Variants in MTA1 observed in about 807,000 individuals in gnomAD.
MTA1 encodes the protein metastasis-associated protein MTA1.
A neutral mutation model predicts 97.0 loss-of-function variants in MTA1; 15 were observed. The observed-to-expected ratio is 0.15, with a 90% confidence interval of 0.10 to 0.24. The LOEUF (loss-of-function observed/expected upper bound fraction) is 0.24, where lower values mean the gene tolerates loss of function less well. MTA1 is among the 10% of genes least tolerant of loss of function. The pLI is 1.00. For synonymous variants in MTA1, 435 were observed against 417.5 expected, an observed-to-expected ratio of 1.04 and a Z score of -0.51; for missense variants, 709 against 1,015.1, an observed-to-expected ratio of 0.70 and a Z score of 4.10.
chr14:105,469,317 C>G, intron 18 of MTA1, 150 bp from the exon 19 acceptor site: 1 of 833,068 alleles, frequency 1.2e-6, no homozygotes, highest in Non-Finnish European at 2.0e-6. Flanking sequence ...CGAGGCCCCA[C>G]GTCCCCCAGG....
rs757183015 is a variant in MTA1, at chr14:105,449,031, C to T, written c.191-328C>T. Reference sequence around the variant, plus strand: ...AATCCCCATGCTGCTGGCCGGTGCCCGGCCCCGGTCTCATCTGGACAGCCT... The same window carrying T: ...AATCCCCATGCTGCTGGCCGGTGCCTGGCCCCGGTCTCATCTGGACAGCCT... On this transcript the variant is annotated intron_variant, in intron 3 of 20. Coordinates refer to ENST00000331320, the MANE Select transcript of MTA1 (RefSeq NM_004689.4). 1.3e-5 allele frequency: 4 copies of T among 300,178 alleles called. No individual in the cohort carries two copies. The South Asian group carries it at 2.6e-4, about 19-fold the overall frequency. The allele number at this position is 300,178 out of a possible 1,614,324, so 18.6% of individuals were successfully genotyped here.
At chr14:105,441,796 A>T (rs1555425822) in intron 2 of MTA1, among the ~76,000 whole-genome samples, 1 of 152,200 alleles carries the variant, frequency 6.6e-6, no homozygotes, top group Non-Finnish European at 1.5e-5. Flanking sequence ...TCTGTCTCAA[A>T]AAAATAAAAA....
chr14:105,448,527 T>C (rs2082797266), intron 3 of MTA1, among the ~76,000 whole-genome samples: 1 of 152,174 alleles, frequency 6.6e-6, no homozygotes, highest in Non-Finnish European at 1.5e-5. Flanking sequence ...GCCCTGGTGA[T>C]GTCTGAGTTC....
In MTA1 at chr14:105,470,006, A is replaced by T; in HGVS notation, c.1997+14A>T. On this transcript the variant is annotated intron_variant, in intron 20 of 20. Transcript: ENST00000331320. ...AGAGGAGACCAGGTGGGGCCTTCCC[A>T]GGGCAGGCGGGAGGGCTCCGCACAG... The T allele has an allele frequency of 1.2e-6, 2 of 1,612,476 alleles. No individual in the cohort carries two copies. The highest frequency in any genetic ancestry group is 1.7e-6 in the Non-Finnish European group (2 of 1,179,824).
chr14:105,428,710 A>G (rs958608496), intron 1 of MTA1, among the ~76,000 whole-genome samples: 3 of 116,040 alleles, frequency 2.6e-5, no homozygotes, highest in East Asian at 5.1e-4. Flanking sequence ...ACCAAAAAGA[A>G]GTGTTTCTTT....
intron 6 of MTA1, among the ~76,000 whole-genome samples, chr14:105,451,345 C>CA (rs2082921318): frequency 6.6e-6 from 1 of 152,236 alleles, no homozygotes; most frequent in Non-Finnish European, 1.5e-5. Flanking sequence ...TGCCTTAGCT[C>CA]AGAGTCATGA....
intron 7 of MTA1, chr14:105,454,623 T>A (rs1355843296): frequency 4.1e-6 from 1 of 246,232 alleles, no homozygotes; most frequent in Non-Finnish European, 8.2e-6. Context: ...TTTCTTTTTT[T>A]TCAGACGGAG....
intron 3 of MTA1, 106 bp from the exon 4 acceptor site, chr14:105,449,253 C>A: frequency 1.7e-6 from 2 of 1,209,072 alleles, no homozygotes; most frequent in South Asian, 1.5e-5. Flanking sequence ...GGCCCCCGTT[C>A]TGCCCTGCCC....
chr14:105,463,671 G>T lies in MTA1; in HGVS notation c.1076+120G>T. ...AAGCTCAGAGGCTGGGAAAGTTGGG[G>T]CAGCCCCCGGGAGGGCGGCCCAGGG... is the stretch of plus-strand genomic sequence containing the variant. On this transcript the variant is annotated intron_variant, in intron 12 of 20. Transcript: ENST00000331320. The surrounding 1 kb of genome is among the most constrained non-coding windows in gnomAD (Gnocchi z 5.9). 9.4e-7 allele frequency: 1 copy of T among 1,059,380 alleles called. No homozygotes were observed. Among genetic ancestry groups the T allele is most frequent in the Non-Finnish European group, 1.4e-6 (1 of 706,626 alleles). The allele number at this position is 1,059,380 out of a possible 1,614,324, so 65.6% of individuals were successfully genotyped here. A position where few individuals can be genotyped will look rare whatever the true frequency, so the allele number is the denominator to read the frequency against.
chr14:105,466,427 G>GGGGCGC lies in MTA1; in HGVS notation c.1626_1627insGGGCGC (p.Glu542_Thr543insGlyArg). The GGGGCGC allele has an allele frequency of 6.3e-7, 1 of 1,592,102 alleles. No homozygotes were observed. The highest frequency in any genetic ancestry group is 8.6e-7 in the Non-Finnish European group (1 of 1,165,318). ...TTCTGCCTGTGTCATTCCCGGCAGA[G>GGGGCGC]ACCCACCCCCGCCCCCCCAAGCCTG... On this transcript the variant is annotated inframe_insertion and splice_region_variant, in exon 17 of 21. Coordinates refer to ENST00000331320, the MANE Select transcript of MTA1 (RefSeq NM_004689.4).
chr14:105,461,653 C>T (rs1290022472), intron 10 of MTA1, among the ~76,000 whole-genome samples: 5 of 152,152 alleles, frequency 3.3e-5, no homozygotes, highest in African/African-American at 7.2e-5. Context: ...CACAGGCCAG[C>T]GCAGCAGAGG....
rs1394746555 is a variant in MTA1, at chr14:105,420,197, C to T, written c.28+134C>T. The T allele has an allele frequency of 2.7e-6, 1 of 371,816 alleles. No homozygotes were observed. Among genetic ancestry groups the T allele is most frequent in the Non-Finnish European group, 3.7e-6 (1 of 266,932 alleles). The allele number at this position is 371,816 out of a possible 1,614,324, so 23.0% of individuals were successfully genotyped here. ...CGCCCTCGCGGCCCCCGGCTCCTTC[C>T]CGAACCGCCCCCCGCCGTGCTCACC... is the stretch of plus-strand genomic sequence containing the variant. On this transcript the variant is annotated intron_variant, in intron 1 of 20. Coordinates refer to ENST00000331320, the MANE Select transcript of MTA1 (RefSeq NM_004689.4). The surrounding 1 kb of genome is among the most constrained non-coding windows in gnomAD (Gnocchi z 5.3).
Position 105,469,450 on chromosome 14 carries a change from C to T in MTA1, c.1814-17C>T, listed in dbSNP as rs782143995. ...CGCTCTCTCGGGGCCTCATTTCTCT[C>T]CTCCATTTCTCATCAGGTCTGGCAA... On this transcript the variant is annotated splice_polypyrimidine_tract_variant and intron_variant, in intron 18 of 20. Transcript: ENST00000331320. The T allele has an allele frequency of 5.6e-6, 9 of 1,612,716 alleles. No individual in the cohort carries two copies. Among genetic ancestry groups the T allele is most frequent in the Non-Finnish European group, 2.5e-6 (3 of 1,179,716 alleles).
chr14:105,453,016 ACTCCAGGGTCAG>A (rs2083001502), intron 6 of MTA1, among the ~76,000 whole-genome samples: 1 of 152,214 alleles, frequency 6.6e-6, no homozygotes, highest in Non-Finnish European at 1.5e-5. Context: ...TCAGGCTGGG[ACTCCAGGGTCAG>A]GCCCGGACAG....
chr14:105,430,225 C>T (rs1307456864), intron 1 of MTA1, among the ~76,000 whole-genome samples: 1 of 152,120 alleles, frequency 6.6e-6, no homozygotes, highest in African/African-American at 2.4e-5. Flanking sequence ...ATGTGTGACC[C>T]TCAACTCTTC....
intron 6 of MTA1, 43 bp downstream of exon 6, chr14:105,450,367 C>A: frequency 6.3e-7 from 1 of 1,574,932 alleles, no homozygotes; most frequent in Non-Finnish European, 8.7e-7. Context: ...CAGTCCCGGG[C>A]CACTGTTTCC....
chr14:105,456,482 G>T (rs185852364), intron 7 of MTA1, among the ~76,000 whole-genome samples: 66 of 152,316 alleles, frequency 4.3e-4, no homozygotes, highest in South Asian at 2.1e-3. Flanking sequence ...TGCCTTCCCC[G>T]CTGCCCTGCC....
At chr14:105,435,906 T>C (rs183966968) in intron 1 of MTA1, among the ~76,000 whole-genome samples, 35 of 152,328 alleles carry the variant, frequency 2.3e-4, no homozygotes, top group African/African-American at 8.4e-4. Flanking sequence ...TGATGTTGGT[T>C]ACTTGTGGCT....
chr14:105,453,370 C>T (rs781797108), intron 6 of MTA1, among the ~76,000 whole-genome samples: 13 of 152,224 alleles, frequency 8.5e-5, no homozygotes, highest in Admixed American at 3.3e-4. Context: ...GCTTTGTAGC[C>T]GGGCATAGCA....
Sources: allele counts gnomAD v4.1 joint callset (sites outside exome capture counted in the v4.1 genomes callset), GRCh38; gene constraint gnomAD v4.1.1; non-coding constraint Gnocchi (gnomAD v3.1); transcripts MANE v1.5; gene names NCBI Gene and HGNC (gene_info 2026-07-23, HGNC 2026-07-21).